ADGRL2: variants seen among roughly 807,000 people sequenced by gnomAD.
The protein encoded by ADGRL2 is calcium-independent alpha-latrotoxin receptor 2.
In ADGRL2, 44 loss-of-function variants were observed where a neutral mutation model predicts 157.4. The ratio of observed to expected loss-of-function variants is 0.28; its 90% CI spans 0.22 to 0.36. The LOEUF (loss-of-function observed/expected upper bound fraction) is 0.36. Among genes scored for constraint, ADGRL2 ranks in the 10% least tolerant of loss-of-function variants. The probability of loss-of-function intolerance (pLI) is 1.00; values close to 1 mark genes in which losing one functional copy is unlikely to be tolerated. For synonymous variants in ADGRL2, 585 were observed against 624.7 expected (o/e 0.94, Z 0.95); for missense variants, 1,510 against 1,768.9 (o/e 0.85, Z 2.63).
chr1:81,353,589 G>A (rs981004532), intron 1 of ADGRL2, among the ~76,000 whole-genome samples: 4 of 152,226 alleles, frequency 2.6e-5, no homozygotes, highest in South Asian at 2.1e-4. Flanking sequence ...AATTTGTAAT[G>A]AAGATTTTAC....
intron 2 of ADGRL2, among the ~76,000 whole-genome samples, chr1:81,897,367 A>G (rs1243278660): frequency 1.3e-5 from 2 of 152,136 alleles, no homozygotes; most frequent in Non-Finnish European, 2.9e-5. Context: ...ACTGAGACTA[A>G]TAGCATCTCT....
intron 3 of ADGRL2, among the ~76,000 whole-genome samples, chr1:81,612,977 A>C (rs909165836): frequency 2.0e-5 from 3 of 152,202 alleles, no homozygotes; most frequent in African/African-American, 7.2e-5. Flanking sequence ...AGGGTACTAT[A>C]AATGCTAGAT....
chr1:81,455,883 G>A (rs1195321949), intron 2 of ADGRL2, among the ~76,000 whole-genome samples: 3 of 152,182 alleles, frequency 2.0e-5, no homozygotes, highest in Admixed American at 6.5e-5. Flanking sequence ...TATTATAAAC[G>A]ATGTGGTGAA....
intron 11 of ADGRL2, among the ~76,000 whole-genome samples, chr1:81,961,509 CT>C (rs5775655): frequency 7.3e-5 from 10 of 137,294 alleles, no homozygotes; most frequent in Middle Eastern, 3.9e-3. Context: ...AATTTTCTTT[CT>C]TTTTTTTTTT....
intron 2 of ADGRL2, among the ~76,000 whole-genome samples, chr1:81,884,095 C>G (rs1029974949): frequency 1.3e-5 from 2 of 151,850 alleles, no homozygotes; most frequent in Non-Finnish European, 2.9e-5. Flanking sequence ...AAGTGATCCT[C>G]CCCCCTCAGC....
At chr1:81,946,949 T>C (rs1650077676) in intron 6 of ADGRL2, among the ~76,000 whole-genome samples, 1 of 152,178 alleles carries the variant, frequency 6.6e-6, no homozygotes, top group South Asian at 2.1e-4. Flanking sequence ...AGGAAAACCC[T>C]GGTAATCAAT....
At position 81,650,693 on chromosome 1, in the gene ADGRL2, C is replaced by T. The variant is rs78605731; in HGVS notation, c.-143+69713C>T. ...AGTAGCAAGATGTATTCAGACATCA[C>T]GCTAAAATGAATGATATCTTGTATT... On this transcript the variant is annotated intron_variant, in intron 3 of 24. Coordinates refer to the ADGRL2 transcript ENST00000370721. 4.3e-3 allele frequency among the ~76,000 whole-genome samples: 651 copies of T among 151,994 alleles called. 6 individuals are homozygous for T. Among genetic ancestry groups the T allele is most frequent in the African/African-American group, 0.013 (557 of 41,440 alleles).
intron 1 of ADGRL2, among the ~76,000 whole-genome samples, chr1:81,387,364 T>G (rs958686513): frequency 6.6e-6 from 1 of 152,132 alleles, no homozygotes; most frequent in Non-Finnish European, 1.5e-5. Flanking sequence ...TTTTAGAAAA[T>G]TAGGAAAGTT....
chr1:81,803,722 CA>C (rs1302838351), intron 1 of ADGRL2, among the ~76,000 whole-genome samples: 1 of 152,076 alleles, frequency 6.6e-6, no homozygotes, highest in African/African-American at 2.4e-5. Flanking sequence ...GTTCCCGTTA[CA>C]AAGGCCAGGT....
chr1:81,772,106 T>C (rs1444438702), intron 2 of ADGRL2, among the ~76,000 whole-genome samples: 3 of 151,780 alleles, frequency 2.0e-5, no homozygotes, highest in Non-Finnish European at 4.4e-5. Context: ...AAACATTAGC[T>C]GGGCATAGTG....
At chr1:81,884,820 T>C (rs1324460587) in intron 2 of ADGRL2, among the ~76,000 whole-genome samples, 4 of 152,144 alleles carry the variant, frequency 2.6e-5, no homozygotes, top group Non-Finnish European at 4.4e-5. Flanking sequence ...TATAGAGTGA[T>C]AGAATGAAAA....
intron 1 of ADGRL2, among the ~76,000 whole-genome samples, chr1:81,311,454 G>C (rs1356624293): frequency 6.6e-6 from 1 of 152,044 alleles, no homozygotes; most frequent in Non-Finnish European, 1.5e-5. Flanking sequence ...ATTCCCAGTA[G>C]TTTGTAAACT....
chr1:81,622,958 G>A (rs186602705), intron 3 of ADGRL2, among the ~76,000 whole-genome samples: 4 of 152,152 alleles, frequency 2.6e-5, no homozygotes, highest in Admixed American at 6.5e-5. Context: ...AACATATTGG[G>A]CATTTGGGAA....
At chr1:81,409,921 A>G (rs1006841409) in intron 1 of ADGRL2, among the ~76,000 whole-genome samples, 9 of 152,192 alleles carry the variant, frequency 5.9e-5, no homozygotes, top group Non-Finnish European at 1.2e-4. Context: ...AATGACTACA[A>G]GATGTTGGAT....
chr1:81,982,489 A>C (rs965632948), intron 19 of ADGRL2, among the ~76,000 whole-genome samples: 3 of 151,978 alleles, frequency 2.0e-5, no homozygotes, highest in South Asian at 4.1e-4. Flanking sequence ...GTGGAGTCAG[A>C]TGAAACTTAC....
intron 2 of ADGRL2, among the ~76,000 whole-genome samples, chr1:81,890,892 T>C (rs2094245723): frequency 6.6e-6 from 1 of 152,118 alleles, no homozygotes; most frequent in Non-Finnish European, 1.5e-5. Context: ...GGACAGAATT[T>C]CTGTTATTCT....
At chr1:81,664,116 T>C (rs2082710326) in intron 3 of ADGRL2, among the ~76,000 whole-genome samples, 1 of 152,186 alleles carries the variant, frequency 6.6e-6, no homozygotes, top group Non-Finnish European at 1.5e-5. Flanking sequence ...TTTAAATTTT[T>C]ATTTCTAAAT....
chr1:81,455,607 GTTT>G (rs1245277037), intron 2 of ADGRL2, among the ~76,000 whole-genome samples: 1 of 152,122 alleles, frequency 6.6e-6, no homozygotes, highest in South Asian at 2.1e-4. Context: ...CTGCTTATTT[GTTT>G]TTTATTTTCT....
chr1:81,308,382 C>T (rs1206623924), intron 1 of ADGRL2, among the ~76,000 whole-genome samples: 1 of 152,022 alleles, frequency 6.6e-6, no homozygotes, highest in African/African-American at 2.4e-5. Context: ...ATATTTAAAA[C>T]GAGTTTGAGA....
Sources: allele counts gnomAD v4.1 joint callset (sites outside exome capture counted in the v4.1 genomes callset), GRCh38; gene constraint gnomAD v4.1.1; transcripts MANE v1.5; gene names NCBI Gene and HGNC (gene_info 2026-07-23, HGNC 2026-07-21).